PTPRD: variants seen among roughly 807,000 people sequenced by gnomAD.
The protein encoded by PTPRD is protein tyrosine phosphatase receptor type D, also known as receptor-type tyrosine-protein phosphatase delta.
PTPRD carries 34 observed loss-of-function variants against 214.5 expected under a neutral mutation model. The observed-to-expected ratio is 0.16, with a 90% CI of 0.12 to 0.21. The LOEUF (loss-of-function observed/expected upper bound fraction) is 0.21. PTPRD is among the 10% of genes least tolerant of loss of function. The pLI is 1.00. For synonymous variants in PTPRD, 1,128 were observed against 845.7 expected, an observed-to-expected ratio of 1.33 and a Z score of -5.79; for missense variants, 2,545 against 2,398.7, an observed-to-expected ratio of 1.06 and a Z score of -1.27.
chr9:10,170,823 G>T (rs192882824), intron 3 of PTPRD, among the ~76,000 whole-genome samples: 1 of 152,182 alleles, frequency 6.6e-6, no homozygotes, highest in African/African-American at 2.4e-5. Flanking sequence ...ATTAGCAATT[G>T]TATATCATCA....
chr9:9,216,466 C>A (rs1310035645), intron 9 of PTPRD, among the ~76,000 whole-genome samples: 1 of 152,136 alleles, frequency 6.6e-6, no homozygotes, highest in Non-Finnish European at 1.5e-5. Flanking sequence ...TGTTGAGCCA[C>A]CCTTCTATAT....
chr9:9,336,647 A>G (rs574409294), intron 9 of PTPRD, among the ~76,000 whole-genome samples: 1 of 152,274 alleles, frequency 6.6e-6, no homozygotes, highest in African/African-American at 2.4e-5. Flanking sequence ...ACCACATTTG[A>G]TCCAGGCAGA....
At chr9:8,805,727 G>T (rs2096663635) in intron 11 of PTPRD, among the ~76,000 whole-genome samples, 1 of 151,546 alleles carries the variant, frequency 6.6e-6, no homozygotes, top group South Asian at 2.1e-4. Flanking sequence ...TGGGCACGGT[G>T]GGTCACACCT....
intron 5 of PTPRD, among the ~76,000 whole-genome samples, chr9:9,909,535 T>C (rs1396002609): frequency 6.6e-6 from 1 of 151,978 alleles, no homozygotes; most frequent in Non-Finnish European, 1.5e-5. Context: ...TTGGTTGATA[T>C]ATTTATATGA....
intron 8 of PTPRD, among the ~76,000 whole-genome samples, chr9:9,530,103 G>A (rs546826047): frequency 6.6e-6 from 1 of 152,106 alleles, no homozygotes; most frequent in South Asian, 2.1e-4. Context: ...AACTAGAAAT[G>A]CAAGAACAAA....
In PTPRD at chr9:10,017,122, G is replaced by A. The variant is rs141929376; in HGVS notation, c.-472+16596C>T. ...GAATAAAGTTCCCAATCATACACAT[G>A]TTTACTAACAAGTAGTAATATGCCC... On this transcript the variant is annotated intron_variant, in intron 4 of 45. Transcript: ENST00000381196. Among the ~76,000 whole-genome samples the A allele has an allele frequency of 7.2e-4, 110 of 152,212 alleles. 1 individual carries two copies. The East Asian group carries it at 0.02, about 28-fold the overall frequency.
chr9:9,398,872 T>C (rs2068992671), intron 8 of PTPRD, among the ~76,000 whole-genome samples: 1 of 152,002 alleles, frequency 6.6e-6, no homozygotes, highest in Non-Finnish European at 1.5e-5. Context: ...AGAGAACTTA[T>C]CTTCTTATGG....
chr9:9,731,116 T>A (rs377261739), intron 7 of PTPRD, among the ~76,000 whole-genome samples: 1 of 152,184 alleles, frequency 6.6e-6, no homozygotes, highest in African/African-American at 2.4e-5. Flanking sequence ...TTACCTGCTA[T>A]GTAGGAAGTG....
intron 5 of PTPRD, among the ~76,000 whole-genome samples, chr9:9,822,316 C>A (rs1298964868): frequency 6.6e-6 from 1 of 151,328 alleles, no homozygotes; most frequent in Admixed American, 6.6e-5. Flanking sequence ...GAGGCTGAGG[C>A]AGGAGAATCA....
intron 8 of PTPRD, among the ~76,000 whole-genome samples, chr9:9,523,962 ACCACAGCATTGAATTCCCTCAG>A: frequency 6.6e-6 from 1 of 152,142 alleles, no homozygotes. Context: ...AGATGGGCCC[ACCACAGCATTGAATTCCCTCAG>A]CCACAGCCAT....
intron 3 of PTPRD, among the ~76,000 whole-genome samples, chr9:10,215,042 A>G (rs569871760): frequency 6.6e-6 from 1 of 152,154 alleles, no homozygotes; most frequent in African/African-American, 2.4e-5. Context: ...CTGATTCCAT[A>G]CTCTAGTCTT....
intron 14 of PTPRD, among the ~76,000 whole-genome samples, chr9:8,567,933 A>G (rs990162311): frequency 6.6e-6 from 1 of 152,156 alleles, no homozygotes; most frequent in African/African-American, 2.4e-5. Context: ...TATGAAGACT[A>G]AAATATTAAA....
rs576049979 is a variant in PTPRD at position 10,041,463 on chromosome 9, A to C, written c.-544-7673T>G. On this transcript the variant is annotated intron_variant, in intron 3 of 45. Transcript: ENST00000381196. ...ACCCACTTTTTAAGGACCTAAAATA[A>C]GATAGGACTACTGAAATAAGCATAT... is the stretch of plus-strand genomic sequence containing the variant. Among the ~76,000 whole-genome samples, 81 of 152,072 alleles carry C rather than the reference A, an allele frequency of 5.3e-4. 1 individual carries two copies. Among genetic ancestry groups the C allele is most frequent in the Admixed American group, 4.3e-3 (65 of 15,222 alleles).
At chr9:9,079,235 C>T (rs2099755561) in intron 10 of PTPRD, among the ~76,000 whole-genome samples, 1 of 152,000 alleles carries the variant, frequency 6.6e-6, no homozygotes, top group Admixed American at 6.6e-5. Context: ...CTCTAATATC[C>T]TCTGTTCTAC....
At chr9:9,246,124 T>G (rs950952292) in intron 9 of PTPRD, among the ~76,000 whole-genome samples, 1 of 152,074 alleles carries the variant, frequency 6.6e-6, no homozygotes, top group Non-Finnish European at 1.5e-5. Context: ...ACTTTCAACA[T>G]AAATATGATA....
intron 2 of PTPRD, among the ~76,000 whole-genome samples, chr9:10,465,525 C>A (rs143940519): frequency 1.5e-4 from 23 of 152,248 alleles, no homozygotes; most frequent in Admixed American, 1.0e-3. Context: ...GCTTATACAA[C>A]GGTGGTCTCA....
At position 9,048,302 on chromosome 9, in the gene PTPRD, G is replaced by T. The variant is rs548377869; in HGVS notation, c.-142-29567C>A. On this transcript the variant is annotated intron_variant, in intron 10 of 45. Coordinates refer to ENST00000381196, the MANE Select transcript of PTPRD (RefSeq NM_002839.4). ...ATGATCCAGCAATCCTGCTGCTGGGGTATATACCCAAAAGAAAGGAAATCA... is the reference window on the plus strand; with the variant it reads ...ATGATCCAGCAATCCTGCTGCTGGGTTATATACCCAAAAGAAAGGAAATCA... Among the ~76,000 whole-genome samples, 8 of 152,236 alleles carry T rather than the reference G, an allele frequency of 5.3e-5. 1 individual carries two copies. In the South Asian group the frequency reaches 8.3e-4, roughly 16 times the overall value.
At position 9,166,743 on chromosome 9, in the gene PTPRD, G is replaced by A. The variant is rs141989782; in HGVS notation, c.-143+16561C>T. On this transcript the variant is annotated intron_variant, in intron 10 of 45. Coordinates refer to ENST00000381196, the MANE Select transcript of PTPRD (RefSeq NM_002839.4). ...TTCTTAAAAACACCTTGGAGTTTGTGTGTAAGTTTGGAGAAGGAGGGCATT... is the reference window on the plus strand; with the variant it reads ...TTCTTAAAAACACCTTGGAGTTTGTATGTAAGTTTGGAGAAGGAGGGCATT... Among the ~76,000 whole-genome samples, 15 of 152,230 alleles carry A rather than the reference G, an allele frequency of 9.9e-5. No individual in the cohort carries two copies. The East Asian group carries it at 2.9e-3, about 30-fold the overall frequency.
At chr9:9,208,352 A>G (rs1299511723) in intron 9 of PTPRD, among the ~76,000 whole-genome samples, 1 of 151,952 alleles carries the variant, frequency 6.6e-6, no homozygotes, top group Admixed American at 6.6e-5. Context: ...TTGGAGGACA[A>G]ACCATAAATC....
Sources: allele counts gnomAD v4.1 joint callset (sites outside exome capture counted in the v4.1 genomes callset), GRCh38; gene constraint gnomAD v4.1.1; transcripts MANE v1.5; gene names NCBI Gene and HGNC (gene_info 2026-07-23, HGNC 2026-07-21).